Variants in USP18 observed in about 807,000 individuals in gnomAD.
The protein encoded by USP18 is ubiquitin specific peptidase 18, also known as ubl carboxyl-terminal hydrolase 18.
USP18 carries 11 observed loss-of-function variants against 48.7 expected under a neutral mutation model. That is an observed-to-expected ratio of 0.23 (90% CI 0.14 to 0.37). The LOEUF (loss-of-function observed/expected upper bound fraction) is 0.37. Ranked by LOEUF, USP18 falls within the 10% of genes least tolerant of loss-of-function variation. The probability of loss-of-function intolerance (pLI) is 1.00; values close to 1 mark genes in which losing one functional copy is unlikely to be tolerated. For missense variants in USP18, 285 were observed against 436.4 expected (o/e 0.65, Z 3.09); for synonymous variants, 114 against 163.2 (o/e 0.70, Z 2.30).
At position 18,168,277 on chromosome 22, in the gene USP18, ATC is replaced by A. The variant is rs549560342; in HGVS notation, c.627+247_627+248del. Among the ~76,000 whole-genome samples, 129 of 152,168 alleles carry A rather than the reference ATC, an allele frequency of 8.5e-4. 3 individuals are homozygous for A. The highest frequency in any genetic ancestry group is 3.0e-3 in the African/African-American group (125 of 41,522). On this transcript the variant is annotated intron_variant, in intron 6 of 10. Coordinates refer to ENST00000215794, the MANE Select transcript of USP18 (RefSeq NM_017414.4). ...TGAGCATGCTAATGTGCCAGCTCAA[ATC>A]TCTCTTCCTCTTCGTATGAAGCCAC...
intron 10 of USP18, among the ~76,000 whole-genome samples, chr22:18,174,090 G>A (rs1338660380): frequency 3.9e-5 from 6 of 151,962 alleles, no homozygotes; most frequent in African/African-American, 7.3e-5. Context: ...CTTCCTGGCC[G>A]TATTGTCCTC....
At chr22:18,171,674 C>CT (rs947099143) in intron 8 of USP18, among the ~76,000 whole-genome samples, 2 of 151,922 alleles carry the variant, frequency 1.3e-5, no homozygotes, top group Non-Finnish European at 2.9e-5. Context: ...ACACAAATAT[C>CT]TTTTTTTCCA....
Position 18,173,165 on chromosome 22 carries a change from G to C in USP18, c.907G>C (p.Glu303Gln), listed in dbSNP as rs200388263. ...DAEEQSGGQYELFAVIAHVGM... is the reference protein window; with the variant it reads ...DAEEQSGGQYQLFAVIAHVGM... ...CTCTTTCCAGTCTGGAGGGCAGTAT[G>C]AGCTTTTTGCTGTGATTGCGCACGT... Residue 303 changes from glutamate (E) to glutamine (Q), a missense_variant, in exon 9 of 11, where the codon GAG (glutamate) becomes CAG (glutamine). Transcript: ENST00000215794. 6.3e-7 allele frequency: 1 copy of C among 1,598,300 alleles called. No individual in the cohort carries two copies. The highest frequency in any genetic ancestry group is 1.3e-5 in the African/African-American group (1 of 74,308).
At chr22:18,162,540 T>C (rs1234862705) in intron 4 of USP18, among the ~76,000 whole-genome samples, 4 of 150,316 alleles carry the variant, frequency 2.7e-5, no homozygotes, top group Non-Finnish European at 1.5e-5. Context: ...TTGAAATTGA[T>C]TATGATGTGT....
At chr22:18,169,795 G>C in intron 6 of USP18, 49 bp from the exon 7 acceptor site, 9 of 1,543,248 alleles carry the variant, frequency 5.8e-6, no homozygotes, top group Non-Finnish European at 7.9e-6. Context: ...TAGTATTCTA[G>C]GTGGGAAATA....
In USP18 at chr22:18,157,784, C is replaced by G; in HGVS notation, c.121C>G (p.Pro41Ala). The G allele has an allele frequency of 6.2e-7, 1 of 1,614,140 alleles. No homozygotes were observed. Residue 41 changes from proline (P) to alanine (A), a missense_variant, in exon 2 of 11, where the codon CCC (proline) becomes GCC (alanine). Around this residue, in one of 5 missense-constraint regions of USP18, gnomAD observed 199 missense variants for 239.6 expected, o/e 0.83. Transcript: ENST00000215794. ...EEDSNMKREQPRERPRAWDYP... is the reference protein window; with the variant it reads ...EEDSNMKREQARERPRAWDYP... ...AGACAGCAACATGAAGAGAGAGCAG[C>G]CCAGAGAGCGTCCCAGGGCCTGGGA...
chr22:18,157,658 T>C lies in USP18; in HGVS notation c.-6T>C, dbSNP rs1246722830. ...CTGCGGCCTGGGGGTTTTGGAGTGA[T>C]CACGAATGAGCAAGGCGTTTGGGCT... On this transcript the variant is annotated 5_prime_UTR_variant, in exon 2 of 11. Transcript: ENST00000215794. 6.2e-7 allele frequency: 1 copy of C among 1,613,934 alleles called. No homozygotes were observed. The highest frequency in any genetic ancestry group is 8.5e-7 in the Non-Finnish European group (1 of 1,179,946).
At chr22:18,156,894 TCCACTTA>T (rs1235538222) in intron 1 of USP18, among the ~76,000 whole-genome samples, 5 of 152,230 alleles carry the variant, frequency 3.3e-5, no homozygotes, top group African/African-American at 1.2e-4. Flanking sequence ...GGCGAAGTAC[TCCACTTA>T]CCTCTTCTTC....
chr22:18,157,621 C>T lies in USP18; in HGVS notation c.-43C>T, dbSNP rs375107317. The T allele has an allele frequency of 1.1e-5, 18 of 1,612,286 alleles. No homozygotes were observed. The East Asian group carries it at 1.3e-4, about 12-fold the overall frequency. The stretch of plus-strand genomic sequence containing the variant: ...AAGTGAAGTCGTGCTGTCCTGAACG[C>T]GGGCCAGGCAGCTGCGGCCTGGGGG... On this transcript the variant is annotated 5_prime_UTR_variant, in exon 2 of 11. Coordinates refer to ENST00000215794, the MANE Select transcript of USP18 (RefSeq NM_017414.4).
intron 1 of USP18, among the ~76,000 whole-genome samples, chr22:18,155,340 T>TGGTGACA (rs1038532505): frequency 1.3e-5 from 2 of 152,316 alleles, no homozygotes; most frequent in African/African-American, 2.4e-5. Context: ...AGCCTAGTCC[T>TGGTGACA]GGTGACAGGT....
At chr22:18,173,646 C>T in intron 9 of USP18, 147 bp from the exon 10 acceptor site, 1 of 1,254,376 alleles carries the variant, frequency 8.0e-7, no homozygotes, top group Non-Finnish European at 1.1e-6. Flanking sequence ...CTTCATTGCA[C>T]AAGACATCCT....
At chr22:18,168,971 A>G (rs1212448629) in intron 6 of USP18, among the ~76,000 whole-genome samples, 1 of 151,910 alleles carries the variant, frequency 6.6e-6, no homozygotes, top group African/African-American at 2.4e-5. Flanking sequence ...TTGTTCCTCC[A>G]GTCAGTAGGT....
chr22:18,160,366 C>T (rs1929294779), intron 3 of USP18, 98 bp downstream of exon 3: 31 of 1,432,818 alleles, frequency 2.2e-5, no homozygotes, highest in Middle Eastern at 3.6e-4. Flanking sequence ...AGTGCAGTGG[C>T]ATGATCTTGG....
intron 2 of USP18, among the ~76,000 whole-genome samples, chr22:18,159,637 A>G (rs1434604996): frequency 6.8e-6 from 1 of 146,398 alleles, no homozygotes; most frequent in Admixed American, 6.9e-5. Context: ...AGCTGGGACT[A>G]CAGGCACCTG....
intron 10 of USP18, among the ~76,000 whole-genome samples, chr22:18,174,829 C>T (rs1462438163): frequency 6.6e-6 from 1 of 152,190 alleles, no homozygotes; most frequent in Admixed American, 6.5e-5. Context: ...CTGCTGGGCT[C>T]AAGCCATCCA....
intron 10 of USP18, 128 bp from the exon 11 acceptor site, chr22:18,176,643 TG>T (rs1929806977): frequency 6.7e-6 from 2 of 298,598 alleles, no homozygotes; most frequent in African/African-American, 6.1e-5. Flanking sequence ...TCCAAGGTGA[TG>T]GATAGATGAA....
At chr22:18,159,837 G>A (rs8136266) in intron 2 of USP18, among the ~76,000 whole-genome samples, 18,194 of 151,964 alleles carry the variant, frequency 0.12, 1,253 homozygotes, top group African/African-American at 0.16. Flanking sequence ...CACCACGCCC[G>A]GCTAATTTTT....
At chr22:18,173,735 T>A in intron 9 of USP18, 58 bp from the exon 10 acceptor site, 1 of 1,604,864 alleles carries the variant, frequency 6.2e-7, no homozygotes, top group Non-Finnish European at 8.5e-7. Context: ...TAGCATCCTG[T>A]CCTCTGTGGG....
chr22:18,151,007 C>A (rs1180147345), intron 1 of USP18, among the ~76,000 whole-genome samples: 1 of 152,160 alleles, frequency 6.6e-6, no homozygotes, highest in Admixed American at 6.5e-5. Context: ...TTAAACAATG[C>A]ATGGAGATTT....
Sources: gnomAD v4.1 joint callset for allele counts (sites outside exome capture counted in the v4.1 genomes callset) on GRCh38, gnomAD v4.1.1 for gene constraint, gnomAD v4.1.1 regional missense constraint, MANE v1.5 for transcripts, NCBI Gene and HGNC (gene_info 2026-07-23, HGNC 2026-07-21) for gene names.